Variants in VPS8 observed in about 807,000 individuals in gnomAD.
VPS8 encodes vacuolar protein sorting-associated protein 8 homolog.
A neutral mutation model predicts 216.4 loss-of-function variants in VPS8; 129 were observed. The ratio of observed to expected loss-of-function variants is 0.60; its 90% confidence interval spans 0.52 to 0.69. VPS8 has a LOEUF of 0.69. VPS8 is among the 30% of genes least tolerant of loss of function. The pLI, the probability that VPS8 is intolerant of heterozygous loss-of-function variation, is 0.00. For synonymous variants in VPS8, 571 were observed against 565.4 expected (o/e 1.01, Z -0.14); for missense variants, 1,531 against 1,683.5 (o/e 0.91, Z 1.59).
At chr3:184,857,973 A>G (rs553749168) in intron 14 of VPS8, among the ~76,000 whole-genome samples, 22 of 152,320 alleles carry the variant, frequency 1.4e-4, no homozygotes, top group African/African-American at 4.8e-4. Flanking sequence ...AAGGGCCCAC[A>G]TTAAGTGGTT....
chr3:184,919,638 T>TA (rs1271862971), intron 28 of VPS8, among the ~76,000 whole-genome samples: 5 of 152,184 alleles, frequency 3.3e-5, no homozygotes, highest in African/African-American at 7.2e-5. Flanking sequence ...ACCTTTTTTT[T>TA]ACCATAATAA....
At chr3:184,815,648 C>T (rs928414582) in intron 1 of VPS8, 3 of 152,016 alleles carry the variant, frequency 2.0e-5, no homozygotes, top group East Asian at 1.9e-4. Context: ...TCTTCTGCTC[C>T]GCTAGCTAGG....
intron 37 of VPS8, among the ~76,000 whole-genome samples, chr3:184,958,611 T>G (rs867807017): frequency 1.1e-4 from 16 of 152,180 alleles, no homozygotes; most frequent in African/African-American, 3.6e-4. Context: ...AAAGTTAATA[T>G]CAAGTTGTCT....
At chr3:184,971,900 T>C (rs1479322054) in intron 40 of VPS8, 148 bp downstream of exon 40, 8 of 607,834 alleles carry the variant, frequency 1.3e-5, no homozygotes, top group Non-Finnish European at 2.3e-5. Flanking sequence ...CATGGAGAAA[T>C]CCCATCTTTA....
chr3:185,044,648 G>A (rs1712455697), intron 46 of VPS8, among the ~76,000 whole-genome samples: 1 of 151,968 alleles, frequency 6.6e-6, no homozygotes, highest in African/African-American at 2.4e-5. Flanking sequence ...CTGTCTCTGT[G>A]GCCTCAAGCA....
At chr3:184,986,058 G>A (rs976145479) in intron 42 of VPS8, among the ~76,000 whole-genome samples, 2 of 152,102 alleles carry the variant, frequency 1.3e-5, no homozygotes, top group African/African-American at 4.8e-5. Flanking sequence ...ACTTTTTTGA[G>A]TAAGTTAGAT....
At chr3:184,937,176 T>C (rs1397898772) in intron 35 of VPS8, among the ~76,000 whole-genome samples, 3 of 152,224 alleles carry the variant, frequency 2.0e-5, no homozygotes, top group Non-Finnish European at 4.4e-5. Context: ...CAGTTAGAAG[T>C]ACTATTGAAT....
chr3:185,004,889 G>T lies in VPS8; in HGVS notation c.4002+5028G>T, dbSNP rs114961698. On this transcript the variant is annotated intron_variant, in intron 45 of 47. Transcript: ENST00000625842. ...TAATTAGGTTCCATTTATTTATTTG[G>T]TTTTTTTTGTTTTGTTTTTTATTTA... Among the ~76,000 whole-genome samples, 362 of 148,858 alleles carry T rather than the reference G, an allele frequency of 2.4e-3. 4 individuals are homozygous for T. The highest frequency in any genetic ancestry group is 7.9e-3 in the South Asian group (36 of 4,540).
chr3:184,833,263 A>G (rs1300667068), intron 4 of VPS8, among the ~76,000 whole-genome samples: 1 of 152,160 alleles, frequency 6.6e-6, no homozygotes, highest in African/African-American at 2.4e-5. Context: ...AGGACTTCTA[A>G]CCCTAAATAA....
At chr3:184,979,696 G>C (rs1749869518) in intron 40 of VPS8, among the ~76,000 whole-genome samples, 1 of 152,016 alleles carries the variant, frequency 6.6e-6, no homozygotes, top group Admixed American at 6.6e-5. Flanking sequence ...GGGTATCATT[G>C]CGTGTAAGAT....
At chr3:184,985,923 C>T (rs528897668) in intron 42 of VPS8, among the ~76,000 whole-genome samples, 46 of 152,208 alleles carry the variant, frequency 3.0e-4, no homozygotes, top group Admixed American at 1.6e-3. Flanking sequence ...GACATAGAGA[C>T]GAGGAGAGGA....
At chr3:184,903,482 C>G (rs1271457566) in intron 25 of VPS8, among the ~76,000 whole-genome samples, 1 of 152,134 alleles carries the variant, frequency 6.6e-6, no homozygotes, top group Admixed American at 6.6e-5. Flanking sequence ...GACGGAGTCT[C>G]ACTCTGTCAG....
intron 30 of VPS8, among the ~76,000 whole-genome samples, chr3:184,926,342 A>G (rs1578275704): frequency 1.3e-5 from 2 of 151,292 alleles, no homozygotes; most frequent in Admixed American, 1.3e-4. Context: ...GCGCCACTGC[A>G]CTCCAGCCTG....
At chr3:184,893,939 A>G (rs553717011) in intron 22 of VPS8, among the ~76,000 whole-genome samples, 39 of 152,340 alleles carry the variant, frequency 2.6e-4, no homozygotes, top group African/African-American at 9.1e-4. Context: ...CATATAATGT[A>G]TGAAAACAGA....
At chr3:184,823,807 A>G (rs1208914494) in intron 1 of VPS8, among the ~76,000 whole-genome samples, 2 of 152,208 alleles carry the variant, frequency 1.3e-5, no homozygotes, top group Admixed American at 6.5e-5. Context: ...AAGTAAACCA[A>G]ATTATCTGTG....
chr3:184,842,343 G>T (rs968676429), intron 7 of VPS8, among the ~76,000 whole-genome samples: 2 of 150,426 alleles, frequency 1.3e-5, no homozygotes, highest in African/African-American at 4.9e-5. Context: ...ATTTCCTTGG[G>T]CCTGGTTCCT....
intron 5 of VPS8, among the ~76,000 whole-genome samples, chr3:184,837,093 G>A (rs966348114): frequency 6.6e-6 from 1 of 151,970 alleles, no homozygotes; most frequent in South Asian, 2.1e-4. Flanking sequence ...ACAGAATCCC[G>A]AGCATACAGG....
chr3:184,930,789 G>A (rs948107580), intron 34 of VPS8, among the ~76,000 whole-genome samples: 1 of 152,146 alleles, frequency 6.6e-6, no homozygotes, highest in African/African-American at 2.4e-5. Flanking sequence ...TGTTCAATCA[G>A]CCAGTGACAA....
At chr3:184,929,702 A>T in intron 33 of VPS8, 38 bp downstream of exon 33, 1 of 1,268,206 alleles carries the variant, frequency 7.9e-7, no homozygotes, top group Non-Finnish European at 1.1e-6. Flanking sequence ...TTTCTTACTC[A>T]ACTTTCCCTC....
Sources: gnomAD v4.1 joint callset for allele counts (sites outside exome capture counted in the v4.1 genomes callset) on GRCh38, gnomAD v4.1.1 for gene constraint, MANE v1.5 for transcripts, NCBI Gene and HGNC (gene_info 2026-07-23, HGNC 2026-07-21) for gene names.